The following RNF180 variants were observed in gnomAD, a reference collection of about 807,000 sequenced individuals.
The protein encoded by RNF180 is ring finger protein 180, also known as E3 ubiquitin-protein ligase RNF180.
A neutral mutation model predicts 59.2 loss-of-function variants in RNF180; 38 were observed. The observed-to-expected ratio is 0.64, with a 90% CI of 0.50 to 0.84. RNF180 has a LOEUF of 0.84. RNF180 is among the 40% of genes least tolerant of loss of function. The pLI, the probability that RNF180 is intolerant of heterozygous loss-of-function variation, is 0.00. For synonymous variants in RNF180, 262 were observed against 240.3 expected, an observed-to-expected ratio of 1.09 and a Z score of -0.84; for missense variants, 705 against 700.9, an observed-to-expected ratio of 1.01 and a Z score of -0.07.
At chr5:64,314,849 G>GT (rs1429837515) in intron 5 of RNF180, among the ~76,000 whole-genome samples, 1 of 152,100 alleles carries the variant, frequency 6.6e-6, no homozygotes, top group Non-Finnish European at 1.5e-5. Context: ...CATGCAGTCA[G>GT]AAAAAGGGGA....
At position 64,271,372 on chromosome 5, in the gene RNF180, A is replaced by G. The variant is rs141941159; in HGVS notation, c.1228-53814A>G. 3.9e-5 allele frequency among the ~76,000 whole-genome samples: 6 copies of G among 152,144 alleles called. No individual in the cohort carries two copies. The East Asian group carries it at 1.2e-3, about 29-fold the overall frequency. On this transcript the variant is annotated intron_variant, in intron 5 of 7. Transcript: ENST00000389100. The stretch of plus-strand genomic sequence containing the variant: ...ATTTTTTATATTTTATTTGATTTTC[A>G]TGACCAAAGTATGAAAAGTAATTAT...
intron 5 of RNF180, among the ~76,000 whole-genome samples, chr5:64,265,454 GTT>G (rs1245108779): frequency 2.0e-5 from 3 of 152,132 alleles, no homozygotes; most frequent in Non-Finnish European, 2.9e-5. Context: ...TGGCTAGCCA[GTT>G]TTCCCAACAC....
At chr5:64,292,617 A>G (rs1742660353) in intron 5 of RNF180, among the ~76,000 whole-genome samples, 1 of 152,100 alleles carries the variant, frequency 6.6e-6, no homozygotes, top group African/African-American at 2.4e-5. Flanking sequence ...GGGATCAGGG[A>G]CCCACTTAAA....
intron 7 of RNF180, among the ~76,000 whole-genome samples, chr5:64,342,083 A>G (rs1745374139): frequency 1.3e-5 from 2 of 152,280 alleles, no homozygotes; most frequent in African/African-American, 2.4e-5. Context: ...AGGGACAGAT[A>G]TAAGTCAAGT....
intron 5 of RNF180, among the ~76,000 whole-genome samples, chr5:64,311,838 G>T (rs1362660142): frequency 6.6e-6 from 1 of 151,946 alleles, no homozygotes; most frequent in African/African-American, 2.4e-5. Flanking sequence ...AAATGATTTA[G>T]TGTCAGTTGT....
intron 5 of RNF180, among the ~76,000 whole-genome samples, chr5:64,269,577 A>C (rs566896647): frequency 1.3e-5 from 2 of 152,204 alleles, no homozygotes; most frequent in South Asian, 2.1e-4. Context: ...ATTTTCAAAA[A>C]ACCTTACTGA....
intron 6 of RNF180, among the ~76,000 whole-genome samples, chr5:64,326,999 G>A (rs1400701456): frequency 6.6e-6 from 1 of 151,986 alleles, no homozygotes; most frequent in African/African-American, 2.4e-5. Context: ...ATTGGTATTT[G>A]GTTTTCTACT....
chr5:64,315,633 A>T (rs1314728346), intron 5 of RNF180, among the ~76,000 whole-genome samples: 2 of 149,646 alleles, frequency 1.3e-5, no homozygotes, highest in African/African-American at 4.9e-5. Flanking sequence ...AATCCCAGCT[A>T]TTTAGGAGGC....
chr5:64,253,762 AG>A (rs1743741836), intron 5 of RNF180, among the ~76,000 whole-genome samples: 1 of 152,030 alleles, frequency 6.6e-6, no homozygotes, highest in Non-Finnish European at 1.5e-5. Context: ...TAATAAGTGG[AG>A]TTCCTTCATT....
intron 7 of RNF180, among the ~76,000 whole-genome samples, chr5:64,369,111 C>T (rs1012115605): frequency 2.6e-5 from 4 of 152,018 alleles, no homozygotes; most frequent in African/African-American, 9.7e-5. Flanking sequence ...ACATATACAC[C>T]ATGGAATACT....
chr5:64,180,600 A>G (rs912966555), intron 1 of RNF180, among the ~76,000 whole-genome samples: 1 of 152,184 alleles, frequency 6.6e-6, no homozygotes, highest in East Asian at 1.9e-4. Flanking sequence ...ACCTTAATTA[A>G]GAAGCATATG....
At chr5:64,169,069 A>C (rs984867420) in intron 1 of RNF180, among the ~76,000 whole-genome samples, 1 of 152,188 alleles carries the variant, frequency 6.6e-6, no homozygotes, top group African/African-American at 2.4e-5. Flanking sequence ...AGGTTTACTA[A>C]GCCCTTTCCT....
chr5:64,174,558 CAGTT>C (rs757502073), intron 1 of RNF180, among the ~76,000 whole-genome samples: 10 of 152,064 alleles, frequency 6.6e-5, no homozygotes, highest in East Asian at 1.9e-4. Context: ...ATTTACCAAA[CAGTT>C]AGTGATCGTT....
At chr5:64,170,545 A>G (rs1749885499) in intron 1 of RNF180, among the ~76,000 whole-genome samples, 1 of 152,228 alleles carries the variant, frequency 6.6e-6, no homozygotes, top group African/African-American at 2.4e-5. Flanking sequence ...TACAGAAGCA[A>G]CTGGTTATGA....
chr5:64,338,628 C>T (rs1395692921), intron 7 of RNF180, among the ~76,000 whole-genome samples: 1 of 148,104 alleles, frequency 6.8e-6, no homozygotes, highest in Non-Finnish European at 1.5e-5. Flanking sequence ...AGGCGAGACT[C>T]CATCTCAAAA....
At chr5:64,205,738 A>G (rs1057283576) in intron 2 of RNF180, among the ~76,000 whole-genome samples, 7 of 152,106 alleles carry the variant, frequency 4.6e-5, no homozygotes, top group African/African-American at 1.7e-4. Context: ...AGTAGTTCCT[A>G]TCATACAGGA....
rs1376714408 is a variant in RNF180 at position 64,371,588 on chromosome 5, C to T, written c.*1774C>T. 6.6e-6 allele frequency: 1 copy of T among 151,434 alleles called. No homozygotes were observed. Among genetic ancestry groups the T allele is most frequent in the Non-Finnish European group, 1.5e-5 (1 of 67,638 alleles). The allele number at this position is 151,434 out of a possible 1,614,324, so 9.4% of individuals were successfully genotyped here. On this transcript the variant is annotated 3_prime_UTR_variant, in exon 8 of 8. Transcript: ENST00000389100. ...CAGTGATACATATCAGTTTATAGATCTCAGTCTACTAAATATTTATGATAC... is the reference window on the plus strand; with the variant it reads ...CAGTGATACATATCAGTTTATAGATTTCAGTCTACTAAATATTTATGATAC...
intron 5 of RNF180, among the ~76,000 whole-genome samples, chr5:64,305,546 A>G (rs937379241): frequency 6.6e-6 from 1 of 151,318 alleles, no homozygotes; most frequent in African/African-American, 2.4e-5. Context: ...GTTTTACCAT[A>G]TGCGTCACCA....
rs186248291 is a variant in RNF180, at chr5:64,234,858, C to T, written c.1227+17462C>T. 1.2e-4 allele frequency among the ~76,000 whole-genome samples: 19 copies of T among 152,092 alleles called. No individual in the cohort carries two copies. In the East Asian group the frequency reaches 2.3e-3, roughly 19 times the overall value. On this transcript the variant is annotated intron_variant, in intron 5 of 7. Transcript: ENST00000389100. Reference sequence around the variant, plus strand: ...TCATGATCCACCCTCCTTGGCCTCCCGAGGCGCTGGGATTACAGGCGTGAG... The same window carrying T: ...TCATGATCCACCCTCCTTGGCCTCCTGAGGCGCTGGGATTACAGGCGTGAG...
Sources: allele counts gnomAD v4.1 joint callset (sites outside exome capture counted in the v4.1 genomes callset), GRCh38; gene constraint gnomAD v4.1.1; transcripts MANE v1.5; gene names NCBI Gene and HGNC (gene_info 2026-07-23, HGNC 2026-07-21).